Variants in SLC12A7 observed in about 807,000 individuals in gnomAD.
The protein encoded by SLC12A7 is solute carrier family 12 member 7, also known as K-Cl cotransporter 4.
In SLC12A7, 100 loss-of-function variants were observed where a neutral mutation model predicts 120.6. The observed-to-expected ratio is 0.83, with a 90% CI of 0.71 to 0.98. SLC12A7 has a LOEUF of 0.98. Among genes scored for constraint, SLC12A7 ranks in the 50% least tolerant of loss-of-function variants. The pLI, the probability that SLC12A7 is intolerant of heterozygous loss-of-function variation, is 0.00. For missense variants in SLC12A7, 1,373 were observed against 1,548.1 expected (o/e 0.89, Z 1.90); for synonymous variants, 760 against 678.0 (o/e 1.12, Z -1.88).
chr5:1,075,570 C>T (rs1738242499), intron 14 of SLC12A7, 80 bp from the exon 15 acceptor site: 1 of 1,520,600 alleles, frequency 6.6e-7, no homozygotes. Context: ...CGGACACTGC[C>T]CCTCCCTCAG....
chr5:1,154,035 C>T, the SLC12A7 span, among the ~76,000 whole-genome samples: 1 of 152,122 alleles, frequency 6.6e-6, no homozygotes, highest in East Asian at 1.9e-4. Flanking sequence ...CTCATCTCCA[C>T]ACGCATGTGT....
chr5:1,082,115 A>G (rs1421692978), intron 8 of SLC12A7, among the ~76,000 whole-genome samples: 1 of 143,898 alleles, frequency 6.9e-6, no homozygotes, highest in Non-Finnish European at 1.5e-5. Context: ...GGTTCTGGAA[A>G]GTCCGGGCTT....
At chr5:1,105,031 A>G (rs1483203439) in intron 1 of SLC12A7, among the ~76,000 whole-genome samples, 51 of 103,006 alleles carry the variant, frequency 5.0e-4, no homozygotes, top group South Asian at 6.8e-4. Context: ...TCCCCGAAGG[A>G]ATGAGGTCCT....
At chr5:1,115,803 T>C (rs1422165513), upstream of SLC12A7, among the ~76,000 whole-genome samples, 6 of 131,004 alleles carry the variant, frequency 4.6e-5, no homozygotes, top group East Asian at 1.1e-3. Context: ...AGAGAGCGAA[T>C]AGGGCAGAGC....
Position 1,065,349 on chromosome 5 carries a change from C to T in SLC12A7, c.2371G>A (p.Val791Met). Residue 791 changes from valine to methionine, a missense_variant, in exon 18 of 24, where the codon GTG becomes ATG. Physicochemically the swap from Val to Met is conservative, Grantham distance 21. Transcript: ENST00000264930. ...CAGGATGCGGGCCAGGCCATGAGCA[C>T]CGTGTTGTGCTTCAGGCCGCCCAGG... ...AGLGGLKHNTVLMAWPASWKQ... is the reference protein window; with the variant it reads ...AGLGGLKHNTMLMAWPASWKQ... 1 of 1,610,958 alleles carries T rather than the reference C, an allele frequency of 6.2e-7. No individual in the cohort carries two copies.
chr5:1,089,181 G>A (rs1336668430), intron 3 of SLC12A7, 53 bp from the exon 4 acceptor site: 1 of 1,583,772 alleles, frequency 6.3e-7, no homozygotes. Flanking sequence ...CCCAGAGGGA[G>A]CCCCCTCCCC....
At position 1,078,017 on chromosome 5, in the gene SLC12A7, G is replaced by T. The variant is rs966977208; in HGVS notation, c.1455-10C>A. On this transcript the variant is annotated splice_polypyrimidine_tract_variant and intron_variant, in intron 11 of 23. Coordinates refer to ENST00000264930, the MANE Select transcript of SLC12A7 (RefSeq NM_006598.3). ...CAGGGCCTCCCCGAACCTGCAGGCA[G>T]GCGGGCAGGCGGGCGGGCGGCTTTC... 6 of 1,545,644 alleles carry T rather than the reference G, an allele frequency of 3.9e-6. No homozygotes were observed. In the African/African-American group the frequency reaches 8.3e-5, roughly 21 times the overall value.
chr5:1,135,671 T>C, the SLC12A7 span, among the ~76,000 whole-genome samples: 3 of 152,292 alleles, frequency 2.0e-5, no homozygotes, highest in African/African-American at 7.2e-5. Flanking sequence ...CAGCTTCAGG[T>C]GCGTGCATGA....
At position 1,076,557 on chromosome 5, in the gene SLC12A7, C is replaced by T. The variant is rs368803103; in HGVS notation, c.1748+137G>A. 9.7e-5 allele frequency: 68 copies of T among 700,238 alleles called. No individual in the cohort carries two copies. The African/African-American group carries it at 1.1e-3, about 12-fold the overall frequency. 43.4% of individuals were successfully genotyped at this position (700,238 alleles called of 1,614,324 possible). A position where few individuals can be genotyped will look rare whatever the true frequency, so the allele number is the denominator to read the frequency against. On this transcript the variant is annotated intron_variant, in intron 13 of 23. Transcript: ENST00000264930. Reference sequence around the variant, plus strand: ...TACTTGTCTTCCCCGGCGCAACTCCCTTCCCGGCAGGATCCTGACTGCCCA... The same window carrying T: ...TACTTGTCTTCCCCGGCGCAACTCCTTTCCCGGCAGGATCCTGACTGCCCA...
chr5:1,099,008 G>A (rs571452748), intron 1 of SLC12A7, among the ~76,000 whole-genome samples: 21 of 152,120 alleles, frequency 1.4e-4, no homozygotes, highest in Admixed American at 8.5e-4. Flanking sequence ...GGACACAGGG[G>A]AAAGCCTGGG....
the SLC12A7 span, among the ~76,000 whole-genome samples, chr5:1,151,619 A>G: frequency 6.7e-6 from 1 of 148,350 alleles, no homozygotes; most frequent in South Asian, 2.2e-4. The surrounding 1 kb of genome is among the most constrained non-coding windows in gnomAD (Gnocchi z 6.2). Context: ...ACCAGAACCA[A>G]CCGGTGCCAG....
upstream of SLC12A7, among the ~76,000 whole-genome samples, chr5:1,116,124 C>T (rs1743311129): frequency 6.6e-6 from 1 of 152,076 alleles, no homozygotes; most frequent in Non-Finnish European, 1.5e-5. Flanking sequence ...CCTGTGGGGG[C>T]TCGAAGGGAG....
chr5:1,054,531 TTC>T (rs2150774485), intron 22 of SLC12A7, among the ~76,000 whole-genome samples: 1 of 152,242 alleles, frequency 6.6e-6, no homozygotes, highest in East Asian at 1.9e-4. Context: ...GCACTTGCGT[TTC>T]TGTGTTGGAA....
In SLC12A7 at chr5:1,051,155, G is replaced by A. The variant is rs997937967; in HGVS notation, c.*1205C>T. 1.8e-4 allele frequency: 71 copies of A among 388,688 alleles called. No individual in the cohort carries two copies. Among genetic ancestry groups the A allele is most frequent in the African/African-American group, 9.9e-4 (48 of 48,594 alleles). The allele number at this position is 388,688 out of a possible 1,614,324, so 24.1% of individuals were successfully genotyped here. On this transcript the variant is annotated 3_prime_UTR_variant, in exon 24 of 24. Coordinates refer to ENST00000264930, the MANE Select transcript of SLC12A7 (RefSeq NM_006598.3). ...AAGCAGAAACTCACAGCCAGCCGAA[G>A]TGCAAAGTGTTGGGCCCTTGAAAGC... is the stretch of plus-strand genomic sequence containing the variant.
rs1164473783 is a variant in SLC12A7, at chr5:1,109,676, A to AC, written c.124+2191dup. On this transcript the variant is annotated intron_variant, in intron 1 of 23. Coordinates refer to ENST00000264930, the MANE Select transcript of SLC12A7 (RefSeq NM_006598.3). ...CAGCATCTACCCCTCTTTCCCCAGA[A>AC]CCCCCCAACCCAGGCTGGGGACACC... Among the ~76,000 whole-genome samples, 3 of 151,774 alleles carry AC rather than the reference A, an allele frequency of 2.0e-5. No individual in the cohort carries two copies. The East Asian group carries it at 5.8e-4, about 30-fold the overall frequency.
intron 1 of SLC12A7, among the ~76,000 whole-genome samples, chr5:1,099,778 A>C (rs1019589497): frequency 6.6e-6 from 1 of 152,168 alleles, no homozygotes; most frequent in African/African-American, 2.4e-5. Context: ...CGCCAAGCTC[A>C]TGGTCTCCCC....
chr5:1,056,545 G>T, intron 22 of SLC12A7: 1 of 980,242 alleles, frequency 1.0e-6, no homozygotes, highest in Non-Finnish European at 1.2e-6. Flanking sequence ...GGGCAACCGG[G>T]CCCGGAAGGC....
the SLC12A7 span, among the ~76,000 whole-genome samples, chr5:1,129,867 C>T: frequency 6.6e-6 from 1 of 152,178 alleles, no homozygotes; most frequent in Non-Finnish European, 1.5e-5. Flanking sequence ...GCCCTGCTGC[C>T]GTCAGAGCTG....
chr5:1,098,836 C>T (rs954651805), intron 1 of SLC12A7, among the ~76,000 whole-genome samples: 1 of 151,150 alleles, frequency 6.6e-6, no homozygotes, highest in African/African-American at 2.4e-5. Context: ...GCTCCCTGGC[C>T]TGGACTTGGA....
Sources: gnomAD v4.1 joint callset for allele counts (sites outside exome capture counted in the v4.1 genomes callset) on GRCh38, gnomAD v4.1.1 for gene constraint, Gnocchi (gnomAD v3.1) non-coding constraint, MANE v1.5 for transcripts, NCBI Gene and HGNC (gene_info 2026-07-23, HGNC 2026-07-21) for gene names.